Variants in DAB2IP observed in about 807,000 individuals in gnomAD.
The protein encoded by DAB2IP is DAB2 interacting protein.
Under a neutral mutation model 107.2 loss-of-function variants are expected in DAB2IP, and 28 were observed. The observed-to-expected ratio is 0.26, with a 90% confidence interval of 0.19 to 0.36. The LOEUF (loss-of-function observed/expected upper bound fraction) is 0.36. DAB2IP is among the 10% of genes least tolerant of loss of function. The pLI, the probability that DAB2IP is intolerant of heterozygous loss-of-function variation, is 1.00. For missense variants in DAB2IP, 1,400 were observed against 1,644.7 expected, an observed-to-expected ratio of 0.85 and a Z score of 2.57; for synonymous variants, 755 against 706.4, an observed-to-expected ratio of 1.07 and a Z score of -1.09.
chr9:121,785,229 C>T (rs545729540), exon 16 of DAB2IP: 1 of 152,682 alleles, frequency 6.5e-6, no homozygotes, highest in African/African-American at 2.4e-5. Flanking sequence ...TACACCTCCC[C>T]CTGCGCCCCG....
intron 3 of DAB2IP, among the ~76,000 whole-genome samples, chr9:121,718,382 G>A (rs779833750): frequency 3.3e-5 from 5 of 152,160 alleles, no homozygotes; most frequent in Non-Finnish European, 7.3e-5. Flanking sequence ...ACGCCCAAGG[G>A]ATGTCATCAA....
At chr9:121,753,797 C>T (rs187934430) in intron 3 of DAB2IP, among the ~76,000 whole-genome samples, 2 of 152,338 alleles carry the variant, frequency 1.3e-5, no homozygotes, top group African/African-American at 4.8e-5. Flanking sequence ...GAGGTAGAGA[C>T]CAGTGCCTGC....
At chr9:121,585,518 A>G (rs899596381) in intron 1 of DAB2IP, among the ~76,000 whole-genome samples, 1 of 152,176 alleles carries the variant, frequency 6.6e-6, no homozygotes, top group Admixed American at 6.5e-5. Flanking sequence ...ATAACTGCAA[A>G]GATTAGGTCT....
intron 1 of DAB2IP, among the ~76,000 whole-genome samples, chr9:121,577,673 T>A (rs553791231): frequency 6.6e-6 from 1 of 152,242 alleles, no homozygotes; most frequent in South Asian, 2.1e-4. Context: ...AGACCCTCTC[T>A]CTCTCCTCCC....
intron 3 of DAB2IP, among the ~76,000 whole-genome samples, chr9:121,714,496 G>A (rs1427060382): frequency 6.6e-6 from 1 of 152,208 alleles, no homozygotes; most frequent in Non-Finnish European, 1.5e-5. Flanking sequence ...CCCTTTTAGG[G>A]CGGGGCACCG....
At chr9:121,771,983 G>A (rs1375143984) in intron 11 of DAB2IP, among the ~76,000 whole-genome samples, 3 of 152,212 alleles carry the variant, frequency 2.0e-5, no homozygotes, top group African/African-American at 2.4e-5. Flanking sequence ...AGAGAAAAGC[G>A]TAGAATGAGG....
chr9:121,742,159 G>A (rs547229677), intron 3 of DAB2IP, among the ~76,000 whole-genome samples: 21 of 152,294 alleles, frequency 1.4e-4, no homozygotes, highest in African/African-American at 5.1e-4. Context: ...AGGGCACGGT[G>A]GCTCATGCCT....
chr9:121,738,609 C>T (rs946106606), intron 3 of DAB2IP, among the ~76,000 whole-genome samples: 2 of 152,198 alleles, frequency 1.3e-5, no homozygotes, highest in African/African-American at 4.8e-5. Flanking sequence ...AGCAGTTAAA[C>T]GAAACTGCCA....
intron 1 of DAB2IP, among the ~76,000 whole-genome samples, chr9:121,675,277 G>A (rs557637795): frequency 6.6e-6 from 1 of 152,284 alleles, no homozygotes; most frequent in South Asian, 2.1e-4. Context: ...ATTCTAGGGA[G>A]GGGGAGAGCA....
At chr9:121,654,170 G>C (rs1320583476) in intron 1 of DAB2IP, among the ~76,000 whole-genome samples, 1 of 152,102 alleles carries the variant, frequency 6.6e-6, no homozygotes, top group African/African-American at 2.4e-5. Context: ...GTGAGCTACT[G>C]TCTTCTCTCT....
At chr9:121,725,544 G>A (rs1256602546) in intron 3 of DAB2IP, among the ~76,000 whole-genome samples, 1 of 152,242 alleles carries the variant, frequency 6.6e-6, no homozygotes, top group African/African-American at 2.4e-5. Flanking sequence ...GTAGGGGACA[G>A]TCACGCCAAT....
intron 1 of DAB2IP, among the ~76,000 whole-genome samples, chr9:121,595,378 G>A (rs1830507336): frequency 1.3e-5 from 2 of 151,836 alleles, no homozygotes; most frequent in South Asian, 4.2e-4. Context: ...GGATCGTTTG[G>A]GCCCAGGAGT....
At chr9:121,697,584 G>A (rs1399422345) in intron 2 of DAB2IP, among the ~76,000 whole-genome samples, 1 of 152,172 alleles carries the variant, frequency 6.6e-6, no homozygotes, top group Non-Finnish European at 1.5e-5. Flanking sequence ...CCTTGTCTAT[G>A]GGTCATGCCT....
At chr9:121,666,521 T>C (rs1042240660) in intron 1 of DAB2IP, among the ~76,000 whole-genome samples, 3 of 151,278 alleles carry the variant, frequency 2.0e-5, no homozygotes, top group Admixed American at 6.6e-5. Flanking sequence ...TAAGTGAGAG[T>C]TGAACAATGA....
At chr9:121,750,959 C>G (rs1243984724) in intron 3 of DAB2IP, 1 of 162,974 alleles carries the variant, frequency 6.1e-6, no homozygotes, top group South Asian at 1.4e-4. Flanking sequence ...GCTCCCCGTG[C>G]CTTGTGCCCA....
At position 121,773,165 on chromosome 9, in the gene DAB2IP, G is replaced by A. The variant is rs368800049; in HGVS notation, c.2637G>A (p.Ala879=). Residue 879 remains alanine, a synonymous_variant, in exon 12 of 16, where the codon GCG becomes GCA. Transcript: ENST00000408936. ...AGCTGGGAAGTTTCAGCACTGCCGC[G>A]GAGGAGCTGGCTCGGCGGCCCGGTG... is the stretch of plus-strand genomic sequence containing the variant. 1.0e-4 allele frequency: 164 copies of A among 1,604,898 alleles called. 1 individual carries two copies. In the Middle Eastern group the frequency reaches 3.6e-3, roughly 36 times the overall value.
chr9:121,719,945 GTGTA>G (rs1830828531), intron 3 of DAB2IP, among the ~76,000 whole-genome samples: 1 of 152,226 alleles, frequency 6.6e-6, no homozygotes, highest in Non-Finnish European at 1.5e-5. Flanking sequence ...CACTAAGAGA[GTGTA>G]TGGCCCACAA....
chr9:121,747,200 C>G (rs1043720142), intron 3 of DAB2IP, among the ~76,000 whole-genome samples: 2 of 152,092 alleles, frequency 1.3e-5, no homozygotes, highest in African/African-American at 4.8e-5. Context: ...AGCAGCCAGG[C>G]TAAGCCTGAT....
intron 3 of DAB2IP, among the ~76,000 whole-genome samples, chr9:121,754,969 G>GA (rs1833375981): frequency 6.6e-6 from 1 of 152,216 alleles, no homozygotes; most frequent in Admixed American, 6.5e-5. Context: ...AGCTAGGCCA[G>GA]AAAGCAGCCC....
Sources: gnomAD v4.1 joint callset for allele counts (sites outside exome capture counted in the v4.1 genomes callset) on GRCh38, gnomAD v4.1.1 for gene constraint, MANE v1.5 for transcripts, NCBI Gene and HGNC (gene_info 2026-07-23, HGNC 2026-07-21) for gene names.